The following BCCIP variants were observed in gnomAD, a reference collection of about 807,000 sequenced individuals.
BCCIP encodes BRCA2 and CDKN1A interacting protein, also known as BRCA2 and CDKN1A-interacting protein.
BCCIP carries 23 observed loss-of-function variants against 32.8 expected under a neutral mutation model. The observed-to-expected ratio is 0.70, with a 90% CI of 0.51 to 0.99. The LOEUF is 0.99. BCCIP is among the 50% of genes least tolerant of loss of function. The probability of loss-of-function intolerance (pLI) is 0.00; values close to 1 mark genes in which losing one functional copy is unlikely to be tolerated. For synonymous variants in BCCIP, 144 were observed against 137.6 expected, an observed-to-expected ratio of 1.05 and a Z score of -0.33; for missense variants, 378 against 379.8, an observed-to-expected ratio of 1.00 and a Z score of 0.04.
chr10:125,842,429 A>G lies in BCCIP; in HGVS notation c.*1070A>G, dbSNP rs191560576. 214 of 153,112 alleles carry G rather than the reference A, an allele frequency of 1.4e-3. 1 individual carries two copies. Among genetic ancestry groups the G allele is most frequent in the Non-Finnish European group, 2.0e-3 (134 of 68,668 alleles). The allele number at this position is 153,112 out of a possible 1,614,324, so 9.5% of individuals were successfully genotyped here. ...GATTAGAAGGAACAGTGGTGCTGAC[A>G]CAGGACCTAGGGTAGGGCCTGTTCC... On this transcript the variant is annotated 3_prime_UTR_variant, in exon 7 of 7. Transcript: ENST00000299130.
chr10:125,828,591 T>G (rs889019345), intron 3 of BCCIP, among the ~76,000 whole-genome samples: 3 of 152,222 alleles, frequency 2.0e-5, no homozygotes, highest in Non-Finnish European at 4.4e-5. Context: ...GTCATCTTTA[T>G]CAGATAGATG....
intron 7 of BCCIP, among the ~76,000 whole-genome samples, chr10:125,849,023 G>A (rs911719725): frequency 6.6e-6 from 1 of 152,100 alleles, no homozygotes; most frequent in Non-Finnish European, 1.5e-5. Flanking sequence ...CCTCAATATG[G>A]GGACCATCTA....
intron 2 of BCCIP, 117 bp downstream of exon 2, chr10:125,826,782 T>C (rs1854399474): frequency 6.8e-7 from 1 of 1,462,366 alleles, no homozygotes; most frequent in Non-Finnish European, 9.0e-7. Flanking sequence ...AGAGGATTGC[T>C]TGAGCCCAGG....
At chr10:125,853,499 TA>T (rs1344452775) in exon 8 of BCCIP, 3 of 235,864 alleles carry the variant, frequency 1.3e-5, no homozygotes, top group African/African-American at 6.8e-5. Context: ...CAAAATTTGC[TA>T]AAATTAAAGT....
Position 125,827,639 on chromosome 10 carries a change from G to C in BCCIP, c.321+1G>C. 1 of 1,593,770 alleles carries C rather than the reference G, an allele frequency of 6.3e-7. No individual in the cohort carries two copies. The highest frequency in any genetic ancestry group is 8.6e-7 in the Non-Finnish European group (1 of 1,161,708). On this transcript the variant is annotated splice_donor_variant, in intron 3 of 6. Coordinates refer to ENST00000278100, the MANE Select transcript of BCCIP (RefSeq NM_078468.3). LOFTEE classifies it high-confidence loss of function. ...GAACCATATTGGGAGTGTGATTAAGGTAAGTAGGATAATTGTGTTTATTCT... is the reference window on the plus strand; with the variant it reads ...GAACCATATTGGGAGTGTGATTAAGCTAAGTAGGATAATTGTGTTTATTCT...
intron 5 of BCCIP, 117 bp from the exon 6 acceptor site, chr10:125,833,655 T>G: frequency 1.1e-6 from 1 of 880,286 alleles, no homozygotes. Flanking sequence ...TCAGATTGAA[T>G]GCCTGCGTCA....
intron 3 of BCCIP, among the ~76,000 whole-genome samples, chr10:125,829,730 A>G (rs1345028619): frequency 6.6e-6 from 1 of 152,250 alleles, no homozygotes; most frequent in Admixed American, 6.5e-5. Flanking sequence ...CTTTCATCAA[A>G]TAAATGTGAT....
chr10:125,829,221 TG>T (rs1854471560), intron 3 of BCCIP, among the ~76,000 whole-genome samples: 1 of 152,208 alleles, frequency 6.6e-6, no homozygotes, highest in South Asian at 2.1e-4. Flanking sequence ...TCTCTGAAAA[TG>T]AGGATGGTAC....
At chr10:125,841,060 C>A, downstream of BCCIP, 1 of 1,544,214 alleles carries the variant, frequency 6.5e-7, no homozygotes, top group Admixed American at 1.8e-5. Context: ...GCCTAACATG[C>A]AGAGGGGAGG....
Position 125,823,687 on chromosome 10 carries a change from A to G in BCCIP, c.130A>G (p.Lys44Glu). ...GGATGAAGACGATGATGACAGTGAC[A>G]AGGAAAAGGATGAAGAGGACGAGGT... ...NEDEDDDDSDKEKDEEDEVID... is the reference protein window; with the variant it reads ...NEDEDDDDSDEEKDEEDEVID... The change falls in exon 1 of 7, where the codon AAG (lysine) becomes GAG (glutamate). Residue 44 changes from lysine to glutamate, a missense_variant. Coordinates refer to ENST00000278100, the MANE Select transcript of BCCIP (RefSeq NM_078468.3). 1 of 1,614,158 alleles carries G rather than the reference A, an allele frequency of 6.2e-7. No individual in the cohort carries two copies. The highest frequency in any genetic ancestry group is 1.7e-5 in the Admixed American group (1 of 60,030).
In BCCIP at chr10:125,827,619, A is replaced by G. The variant is rs1236417350; in HGVS notation, c.302A>G (p.His101Arg). 4 of 1,610,560 alleles carry G rather than the reference A, an allele frequency of 2.5e-6. No homozygotes were observed. Among genetic ancestry groups the G allele is most frequent in the African/African-American group, 2.7e-5 (2 of 74,876 alleles). Residue 101 changes from histidine (H) to arginine (R), a missense_variant, in exon 3 of 7, where the codon CAT becomes CGT. Transcript: ENST00000278100. ...ACAGATCTCTTAATTCAACAGAACC[A>G]TATTGGGAGTGTGATTAAGGTAAGT... ...ELTDLLIQQNHIGSVIKQTDV... is the reference protein window; with the variant it reads ...ELTDLLIQQNRIGSVIKQTDV...
chr10:125,828,456 A>G (rs1168118701), intron 3 of BCCIP, among the ~76,000 whole-genome samples: 1 of 152,194 alleles, frequency 6.6e-6, no homozygotes, highest in Non-Finnish European at 1.5e-5. Flanking sequence ...GAATACTTCG[A>G]TGAGTAATAT....
At chr10:125,853,279 G>A in exon 8 of BCCIP, 1 of 1,321,444 alleles carries the variant, frequency 7.6e-7, no homozygotes, top group Non-Finnish European at 1.0e-6. Context: ...ATAGTCTCCT[G>A]GAGGGATAAA....
At position 125,836,200 on chromosome 10, in the gene BCCIP, C is replaced by A; in HGVS notation, c.871C>A (p.Arg291=). ...TGATGACGTACCAATGACGCCCTTGCGAACTGTGATGTTAATTCCAGGCGA... is the reference window on the plus strand; with the variant it reads ...TGATGACGTACCAATGACGCCCTTGAGAACTGTGATGTTAATTCCAGGCGA... ...SFDDVPMTPL[R]TVMLIPGDKM... is the part of the protein sequence containing the mutation. Residue 291 remains arginine (R), a synonymous_variant, in exon 7 of 7, where the codon CGA becomes AGA. Coordinates refer to ENST00000278100, the MANE Select transcript of BCCIP (RefSeq NM_078468.3). 6.2e-7 allele frequency: 1 copy of A among 1,614,118 alleles called. No homozygotes were observed. Among genetic ancestry groups the A allele is most frequent in the Non-Finnish European group, 8.5e-7 (1 of 1,180,016 alleles).
chr10:125,851,586 C>A (rs1944089730), intron 7 of BCCIP, among the ~76,000 whole-genome samples: 1 of 152,072 alleles, frequency 6.6e-6, no homozygotes, highest in African/African-American at 2.4e-5. Context: ...AAAAATGAAA[C>A]CTATCTTGTT....
At chr10:125,847,933 C>T (rs1304198263) in intron 7 of BCCIP, among the ~76,000 whole-genome samples, 1 of 152,174 alleles carries the variant, frequency 6.6e-6, no homozygotes, top group Non-Finnish European at 1.5e-5. Context: ...TGCTCGCTTG[C>T]CCCCCACTCA....
Position 125,836,464 on chromosome 10 carries a change from G to A in BCCIP, c.*190G>A. On this transcript the variant is annotated 3_prime_UTR_variant, in exon 7 of 7. Coordinates refer to ENST00000278100, the MANE Select transcript of BCCIP (RefSeq NM_078468.3). Reference sequence around the variant, plus strand: ...AATTTTGGTCAAATTATGAGTGGTTGATTTAAAAACTTTTCCAAGAAGAAG... The same window carrying A: ...AATTTTGGTCAAATTATGAGTGGTTAATTTAAAAACTTTTCCAAGAAGAAG... The A allele has an allele frequency of 3.6e-6, 5 of 1,401,830 alleles. No individual in the cohort carries two copies. The highest frequency in any genetic ancestry group is 1.7e-5 in the South Asian group (1 of 58,366). The allele number at this position is 1,401,830 out of a possible 1,614,324, so 86.8% of individuals were successfully genotyped here.
chr10:125,851,920 C>CAAAAAAAAAAAAA (rs56380138), intron 7 of BCCIP, among the ~76,000 whole-genome samples: 23 of 86,742 alleles, frequency 2.7e-4, no homozygotes, highest in East Asian at 6.9e-4. Flanking sequence ...GACCCTGTCT[C>CAAAAAAAAAAAAA]AAAAAAAAAA....
At chr10:125,841,718 G>T (rs1854883901) in exon 7 of BCCIP, 1 of 1,591,726 alleles carries the variant, frequency 6.3e-7, no homozygotes, top group Admixed American at 1.9e-5. Flanking sequence ...TGCAAAAAAA[G>T]AAAAGGAATA....
Sources: gnomAD v4.1 joint callset for allele counts (sites outside exome capture counted in the v4.1 genomes callset) on GRCh38, gnomAD v4.1.1 for gene constraint, MANE v1.5 for transcripts, NCBI Gene and HGNC (gene_info 2026-07-23, HGNC 2026-07-21) for gene names.